The following AAMP variants were observed in gnomAD, a reference collection of about 807,000 sequenced individuals.
AAMP encodes the protein angio-associated migratory cell protein.
AAMP carries 12 observed loss-of-function variants against 51.1 expected under a neutral mutation model. The ratio of observed to expected loss-of-function variants is 0.23; its 90% CI spans 0.15 to 0.38. AAMP has a LOEUF of 0.38. Among genes scored for constraint, AAMP ranks in the 10% least tolerant of loss-of-function variants. AAMP has a pLI of 1.00. For missense variants in AAMP, 418 were observed against 557.2 expected (o/e 0.75, Z 2.52); for synonymous variants, 210 against 218.7 (o/e 0.96, Z 0.35).
At position 218,267,048 on chromosome 2, in the gene AAMP, G is replaced by T. The variant is rs1690650913; in HGVS notation, c.395-62C>A. 3 of 1,589,744 alleles carry T rather than the reference G, an allele frequency of 1.9e-6. No homozygotes were observed. Among genetic ancestry groups the T allele is most frequent in the Non-Finnish European group, 2.6e-6 (3 of 1,161,960 alleles). On this transcript the variant is annotated intron_variant, in intron 3 of 10. Transcript: ENST00000248450. This position sits in a 1 kb window ranked among gnomAD's most constrained non-coding sequence, Gnocchi z 4.6. ...ATAGGGTACCTGGTGCTGGGGGCAT[G>T]TGATTCTGGTATCTGGCCCACTGAA...
intron 1 of AAMP, 188 bp from the exon 2 acceptor site, chr2:218,269,722 TA>T: frequency 9.1e-7 from 1 of 1,097,902 alleles, no homozygotes; most frequent in Non-Finnish European, 1.3e-6. Flanking sequence ...GACCGTGCGG[TA>T]AGGGAGGGCC....
At chr2:218,264,662 T>G in intron 10 of AAMP, 54 bp from the exon 11 acceptor site, 1 of 1,518,586 alleles carries the variant, frequency 6.6e-7, no homozygotes, top group Non-Finnish European at 9.1e-7. Flanking sequence ...GCCCACCACC[T>G]AGGGGCCCTA....
intron 10 of AAMP, 89 bp from the exon 11 acceptor site, chr2:218,264,697 C>G (rs1466925819): frequency 8.5e-7 from 1 of 1,171,646 alleles, no homozygotes; most frequent in Admixed American, 1.7e-5. Context: ...AGCACACCCT[C>G]AGTTCTAGGG....
At position 218,266,968 on chromosome 2, in the gene AAMP, G is replaced by A; in HGVS notation, c.413C>T (p.Thr138Ile). The A allele has an allele frequency of 1.2e-6, 2 of 1,614,172 alleles. No individual in the cohort carries two copies. The highest frequency in any genetic ancestry group is 1.7e-6 in the Non-Finnish European group (2 of 1,180,014). Residue 138 changes from threonine (T) to isoleucine (I), a missense_variant, in exon 4 of 11, where the codon ACT (threonine) becomes ATT (isoleucine). Thr to Ile is a moderately conservative substitution (Grantham distance 89, BLOSUM62 -1). Transcript: ENST00000248450. The surrounding 1 kb of genome is among the most constrained non-coding windows in gnomAD (Gnocchi z 4.7). The stretch of plus-strand genomic sequence containing the variant: ...GGAGTCATGGCTGAAACCAGCACAA[G>A]TCACAGAGTCTTTATGGCCTTCAAA... ...FECAGHKDSV[T>I]CAGFSHDSTL...
chr2:218,264,862 G>C (rs1330059682), intron 10 of AAMP, among the ~76,000 whole-genome samples, 158 bp downstream of exon 10: 1 of 152,114 alleles, frequency 6.6e-6, no homozygotes, highest in African/African-American at 2.4e-5. Flanking sequence ...GAGGGTCACT[G>C]TCAGCCACTG....
chr2:218,267,676 C>G lies in AAMP; in HGVS notation c.275-63G>C, dbSNP rs2106172799. On this transcript the variant is annotated intron_variant, in intron 2 of 10. Coordinates refer to ENST00000248450, the MANE Select transcript of AAMP (RefSeq NM_001087.5). The surrounding 1 kb of genome is among the most constrained non-coding windows in gnomAD (Gnocchi z 4.6). The stretch of plus-strand genomic sequence containing the variant: ...CTCCCACCTAGGGCTCTGTCCTTCA[C>G]AATCTTCAGGAAACCCACCCCCTTT... 6.3e-7 allele frequency: 1 copy of G among 1,595,200 alleles called. No individual in the cohort carries two copies. The highest frequency in any genetic ancestry group is 8.6e-7 in the Non-Finnish European group (1 of 1,165,050).
At position 218,266,438 on chromosome 2, in the gene AAMP, C is replaced by T; in HGVS notation, c.679+5G>A. On this transcript the variant is annotated splice_donor_5th_base_variant and intron_variant, in intron 5 of 10. Transcript: ENST00000248450. This position sits in a 1 kb window ranked among gnomAD's most constrained non-coding sequence, Gnocchi z 4.7. ...GGAAAGGTCACTCAAGGGAGGTGCT[C>T]TCACCATCAGGGAGGACTCGGCCAC... The T allele has an allele frequency of 6.2e-7, 1 of 1,613,392 alleles. No individual in the cohort carries two copies. The highest frequency in any genetic ancestry group is 8.5e-7 in the Non-Finnish European group (1 of 1,179,514).
intron 1 of AAMP, 85 bp downstream of exon 1, chr2:218,269,881 T>G (rs565612965): frequency 6.3e-7 from 1 of 1,575,296 alleles, no homozygotes; most frequent in South Asian, 1.1e-5. Flanking sequence ...ACCAGTCGGG[T>G]GTGGAGGGGA....
Position 218,266,095 on chromosome 2 carries a change from C to G in AAMP, c.732G>C (p.Leu244=). ...YEDGTIRIWD[L]KQGSPIHVLK... is the part of the protein sequence containing the mutation. Reference sequence around the variant, plus strand: ...GTACATGGATAGGGCTTCCCTGCTTCAGGTCCCAAATCCTGATGGTCCCAT... The same window carrying G: ...GTACATGGATAGGGCTTCCCTGCTTGAGGTCCCAAATCCTGATGGTCCCAT... Residue 244 remains leucine (L), a synonymous_variant, in exon 6 of 11, where the codon CTG becomes CTC. Transcript: ENST00000248450. The surrounding 1 kb of genome is among the most constrained non-coding windows in gnomAD (Gnocchi z 4.7). The G allele has an allele frequency of 1.9e-6, 3 of 1,614,208 alleles. No homozygotes were observed. The highest frequency in any genetic ancestry group is 2.5e-6 in the Non-Finnish European group (3 of 1,180,032).
In AAMP at chr2:218,267,337, C is replaced by T; in HGVS notation, c.394+157G>A. 8.7e-7 allele frequency: 1 copy of T among 1,151,186 alleles called. No homozygotes were observed. The highest frequency in any genetic ancestry group is 1.2e-6 in the Non-Finnish European group (1 of 807,124). 71.3% of individuals were successfully genotyped at this position (1,151,186 alleles called of 1,614,324 possible). A position where few individuals can be genotyped will look rare whatever the true frequency, so the allele number is the denominator to read the frequency against. ...GCCTCCTGCCTCTGTGCCCAAAACA[C>T]ACTAGTATTCGCCCCGTGTCCCTGG... On this transcript the variant is annotated intron_variant, in intron 3 of 10. Coordinates refer to ENST00000248450, the MANE Select transcript of AAMP (RefSeq NM_001087.5). The surrounding 1 kb of genome is among the most constrained non-coding windows in gnomAD (Gnocchi z 4.6).
intron 1 of AAMP, 25 bp from the exon 2 acceptor site, chr2:218,269,559 A>G: frequency 6.2e-7 from 1 of 1,613,960 alleles, no homozygotes; most frequent in Non-Finnish European, 8.5e-7. Context: ...GGGTTAGAAG[A>G]TGGGGCTCGG....
rs371915497 is a variant in AAMP, at chr2:218,266,838, T to C, written c.534+9A>G. On this transcript the variant is annotated intron_variant, in intron 4 of 10. Transcript: ENST00000248450. The surrounding 1 kb of genome is among the most constrained non-coding windows in gnomAD (Gnocchi z 4.7). Reference sequence around the variant, plus strand: ...CCCACAGAGCTGACTCCCGCTCTGATGATCTTACCTCCAGGTCTCCCGCTT... The same window carrying C: ...CCCACAGAGCTGACTCCCGCTCTGACGATCTTACCTCCAGGTCTCCCGCTT... 6.2e-7 allele frequency: 1 copy of C among 1,613,790 alleles called. No homozygotes were observed. Among genetic ancestry groups the C allele is most frequent in the Admixed American group, 1.7e-5 (1 of 60,012 alleles).
Position 218,269,378 on chromosome 2 carries a change from C to G in AAMP, c.274+4G>C. 6.2e-7 allele frequency: 1 copy of G among 1,613,870 alleles called. No homozygotes were observed. Among genetic ancestry groups the G allele is most frequent in the Non-Finnish European group, 8.5e-7 (1 of 1,180,024 alleles). On this transcript the variant is annotated splice_donor_region_variant and intron_variant, in intron 2 of 10. Transcript: ENST00000248450. ...ATTTGAGGTGGATCGCCTCAAAGAC[C>G]TACCTGAGTGCAATGCAAAGGTGAC...
In AAMP at chr2:218,267,093, A is replaced by G; in HGVS notation, c.395-107T>C. The G allele has an allele frequency of 1.5e-6, 2 of 1,358,400 alleles. No individual in the cohort carries two copies. The highest frequency in any genetic ancestry group is 2.6e-5 in the South Asian group (2 of 76,392). 84.1% of individuals were successfully genotyped at this position (1,358,400 alleles called of 1,614,324 possible). A position where few individuals can be genotyped will look rare whatever the true frequency, so the allele number is the denominator to read the frequency against. ...ACTGAAAGGACCAGCTAGGAAAAAA[A>G]GAGGGGCGGGACTGAGCAGAACAGG... On this transcript the variant is annotated intron_variant, in intron 3 of 10. Transcript: ENST00000248450. The surrounding 1 kb of genome is among the most constrained non-coding windows in gnomAD (Gnocchi z 4.6).
rs772607841 is a variant in AAMP, at chr2:218,266,775, A to T, written c.534+72T>A. The T allele has an allele frequency of 1.6e-4, 254 of 1,599,860 alleles. No homozygotes were observed. The highest frequency in any genetic ancestry group is 4.3e-4 in the Middle Eastern group (2 of 4,642). ...GCTGGCTTGGCGCAATAAAGGCAGA[A>T]CTGGCCTCCCAAGCTTGCACCCCCA... On this transcript the variant is annotated intron_variant, in intron 4 of 10. Transcript: ENST00000248450. This position sits in a 1 kb window ranked among gnomAD's most constrained non-coding sequence, Gnocchi z 4.7.
rs1481057863 is a variant in AAMP, at chr2:218,267,716, C to G, written c.275-103G>C. On this transcript the variant is annotated intron_variant, in intron 2 of 10. Coordinates refer to ENST00000248450, the MANE Select transcript of AAMP (RefSeq NM_001087.5). This position sits in a 1 kb window ranked among gnomAD's most constrained non-coding sequence, Gnocchi z 4.6. Reference sequence around the variant, plus strand: ...CCACCCCCTTTCACCCAAAGCGTGTCTTTCCTCCTGGAAAACACAGGTACA... The same window carrying G: ...CCACCCCCTTTCACCCAAAGCGTGTGTTTCCTCCTGGAAAACACAGGTACA... 6.8e-7 allele frequency: 1 copy of G among 1,460,010 alleles called. No individual in the cohort carries two copies. Among genetic ancestry groups the G allele is most frequent in the African/African-American group, 1.4e-5 (1 of 71,284 alleles). The allele number at this position is 1,460,010 out of a possible 1,614,324, so 90.4% of individuals were successfully genotyped here.
chr2:218,269,328 A>C, intron 2 of AAMP, 54 bp downstream of exon 2: 1 of 1,607,506 alleles, frequency 6.2e-7, no homozygotes, highest in Non-Finnish European at 8.5e-7. Context: ...GCTGATGTTT[A>C]ATGCTTACAC....
At chr2:218,268,233 C>T (rs972520890) in intron 2 of AAMP, among the ~76,000 whole-genome samples, 3 of 152,134 alleles carry the variant, frequency 2.0e-5, no homozygotes, top group Non-Finnish European at 4.4e-5. Context: ...TCCCAAAGTG[C>T]TGGGATTACA....
rs34118048 is a variant in AAMP, at chr2:218,270,003, G to T, written c.84C>A (p.Ile28=). 6.2e-7 allele frequency: 1 copy of T among 1,613,988 alleles called. No homozygotes were observed. The highest frequency in any genetic ancestry group is 1.3e-5 in the African/African-American group (1 of 74,884). Residue 28 remains isoleucine, a synonymous_variant, in exon 1 of 11, where the codon ATC becomes ATA. Coordinates refer to ENST00000248450, the MANE Select transcript of AAMP (RefSeq NM_001087.5). ...GACCGGGATCAAGTTCTACCACCTC[G>T]ATAATCTCTTCATCACCATGGAAGC... ...TLSFHGDEEI[I]EVVELDPGPP... is the part of the protein sequence containing the mutation.
Sources: gnomAD v4.1 joint callset for allele counts (sites outside exome capture counted in the v4.1 genomes callset) on GRCh38, gnomAD v4.1.1 for gene constraint, Gnocchi (gnomAD v3.1) non-coding constraint, MANE v1.5 for transcripts, NCBI Gene and HGNC (gene_info 2026-07-23, HGNC 2026-07-21) for gene names.